CNTN5: variants seen among roughly 807,000 people sequenced by gnomAD.
CNTN5 encodes contactin 5, also known as contactin-5.
A neutral mutation model predicts 129.1 loss-of-function variants in CNTN5; 77 were observed. That is an observed-to-expected ratio of 0.60 (90% CI 0.50 to 0.72). The LOEUF (loss-of-function observed/expected upper bound fraction) is 0.72. Among genes scored for constraint, CNTN5 ranks in the 30% least tolerant of loss-of-function variants. The probability of loss-of-function intolerance (pLI) is 0.00; values close to 1 mark genes in which losing one functional copy is unlikely to be tolerated. For missense variants in CNTN5, 1,478 were observed against 1,328.8 expected (o/e 1.11, Z -1.75); for synonymous variants, 509 against 465.6 (o/e 1.09, Z -1.20).
chr11:99,503,159 C>A (rs1234903367), intron 2 of CNTN5, among the ~76,000 whole-genome samples: 2 of 152,218 alleles, frequency 1.3e-5, no homozygotes, highest in East Asian at 1.9e-4. Context: ...TCCTCTATAA[C>A]CTTTTCCCTA....
At chr11:99,281,034 G>C (rs1863672070) in intron 1 of CNTN5, among the ~76,000 whole-genome samples, 1 of 151,604 alleles carries the variant, frequency 6.6e-6, no homozygotes, top group Non-Finnish European at 1.5e-5. Flanking sequence ...TTGATCAATA[G>C]ATTAACAACC....
At chr11:99,487,724 C>A (rs534691004) in intron 2 of CNTN5, among the ~76,000 whole-genome samples, 2 of 152,288 alleles carry the variant, frequency 1.3e-5, no homozygotes, top group Non-Finnish European at 2.9e-5. Flanking sequence ...GTCTTAATTT[C>A]TTTTCAACCA....
chr11:99,204,685 AG>A (rs1234639997), intron 1 of CNTN5, among the ~76,000 whole-genome samples: 1 of 152,190 alleles, frequency 6.6e-6, no homozygotes, highest in Non-Finnish European at 1.5e-5. Context: ...ATAACTGAAA[AG>A]TTTCTATACA....
rs527313190 is a variant in CNTN5 at position 99,107,802 on chromosome 11, G to A, written c.-210+86532G>A. 9.9e-5 allele frequency among the ~76,000 whole-genome samples: 15 copies of A among 151,776 alleles called. No homozygotes were observed. The South Asian group carries it at 2.9e-3, about 30-fold the overall frequency. ...AAAAATTAGCCGGGCATGGTGGCAC[G>A]CACCTGTAGCTCCAGCTACTCGGGA... On this transcript the variant is annotated intron_variant, in intron 1 of 24. Coordinates refer to ENST00000524871, the MANE Select transcript of CNTN5 (RefSeq NM_014361.4).
intron 1 of CNTN5, among the ~76,000 whole-genome samples, chr11:99,210,840 T>C (rs1163118403): frequency 6.7e-6 from 1 of 148,498 alleles, no homozygotes; most frequent in East Asian, 1.9e-4. Flanking sequence ...GATCATATGC[T>C]CTAGAAGGGC....
At chr11:100,290,756 T>C (rs1265221536) in intron 18 of CNTN5, among the ~76,000 whole-genome samples, 4 of 149,776 alleles carry the variant, frequency 2.7e-5, no homozygotes, top group Non-Finnish European at 6.0e-5. Context: ...AATTGACAAA[T>C]GGGATCTAAT....
At chr11:99,808,700 A>G (rs1441764536) in intron 3 of CNTN5, among the ~76,000 whole-genome samples, 1 of 152,162 alleles carries the variant, frequency 6.6e-6, no homozygotes, top group Non-Finnish European at 1.5e-5. Flanking sequence ...CATATTTCCA[A>G]TATCCATATT....
At chr11:99,323,505 A>G (rs1466682514) in intron 1 of CNTN5, among the ~76,000 whole-genome samples, 3 of 152,100 alleles carry the variant, frequency 2.0e-5, no homozygotes, top group Non-Finnish European at 4.4e-5. Flanking sequence ...GATACTTCTT[A>G]TTTGCTCAAT....
At chr11:99,303,813 G>A (rs1864750567) in intron 1 of CNTN5, among the ~76,000 whole-genome samples, 4 of 152,100 alleles carry the variant, frequency 2.6e-5, no homozygotes, top group Admixed American at 2.6e-4. Flanking sequence ...AGGGCTGTCA[G>A]TACTTATGTT....
At position 99,318,024 on chromosome 11, in the gene CNTN5, C is replaced by G. The variant is rs1316551222; in HGVS notation, c.-209-7322C>G. ...TAGACTGAAAACTCTGTTTCAAAAT[C>G]CAAGTATAAAACTTTGTCTTTAATG... is the stretch of plus-strand genomic sequence containing the variant. On this transcript the variant is annotated intron_variant, in intron 1 of 24. Transcript: ENST00000524871. Among the ~76,000 whole-genome samples the G allele has an allele frequency of 5.3e-5, 8 of 152,128 alleles. No individual in the cohort carries two copies. The East Asian group carries it at 1.5e-3, about 29-fold the overall frequency.
chr11:99,147,328 T>C (rs149762108), intron 1 of CNTN5, among the ~76,000 whole-genome samples: 4 of 152,182 alleles, frequency 2.6e-5, no homozygotes, highest in Non-Finnish European at 5.9e-5. Context: ...TTTTCTGCTA[T>C]ATTTACAATT....
At chr11:99,608,213 T>C (rs1950487724) in intron 3 of CNTN5, among the ~76,000 whole-genome samples, 1 of 152,132 alleles carries the variant, frequency 6.6e-6, no homozygotes, top group South Asian at 2.1e-4. Flanking sequence ...AAATGTTTAA[T>C]AAATATGTGT....
chr11:99,427,476 A>G (rs1357477812), intron 2 of CNTN5, among the ~76,000 whole-genome samples: 1 of 152,038 alleles, frequency 6.6e-6, no homozygotes, highest in Non-Finnish European at 1.5e-5. Flanking sequence ...TAAAAGTGAA[A>G]ATTTCTTGGG....
intron 9 of CNTN5, among the ~76,000 whole-genome samples, chr11:100,037,292 C>G (rs1378438296): frequency 2.7e-5 from 4 of 150,630 alleles, no homozygotes; most frequent in Non-Finnish European, 4.4e-5. Context: ...GTATATTGAA[C>G]CAGCCTTGCA....
At chr11:99,235,344 T>A (rs1861211030) in intron 1 of CNTN5, among the ~76,000 whole-genome samples, 1 of 152,170 alleles carries the variant, frequency 6.6e-6, no homozygotes, top group Admixed American at 6.5e-5. Flanking sequence ...TTATACTTTA[T>A]CCTTACATGT....
At chr11:100,213,075 A>C (rs1217748159) in intron 15 of CNTN5, among the ~76,000 whole-genome samples, 1 of 152,004 alleles carries the variant, frequency 6.6e-6, no homozygotes, top group Non-Finnish European at 1.5e-5. Context: ...AAAGTTAAAG[A>C]TTTTCTCTAA....
At chr11:99,293,879 C>A (rs564809549) in intron 1 of CNTN5, among the ~76,000 whole-genome samples, 2 of 151,790 alleles carry the variant, frequency 1.3e-5, no homozygotes, top group Admixed American at 1.3e-4. Flanking sequence ...ATTCATTGAT[C>A]TTTTGTAATT....
At chr11:99,907,883 A>G (rs1949551121) in intron 6 of CNTN5, among the ~76,000 whole-genome samples, 2 of 152,078 alleles carry the variant, frequency 1.3e-5, no homozygotes, top group Admixed American at 1.3e-4. Context: ...AATATAACAT[A>G]TTTTACTTGC....
At chr11:99,623,741 C>A (rs376073594) in intron 3 of CNTN5, among the ~76,000 whole-genome samples, 93 of 130,232 alleles carry the variant, frequency 7.1e-4, no homozygotes, top group East Asian at 1.7e-3. Context: ...GAGAAAGATA[C>A]AAAAAATAAA....
Sources: gnomAD v4.1 joint callset for allele counts (sites outside exome capture counted in the v4.1 genomes callset) on GRCh38, gnomAD v4.1.1 for gene constraint, MANE v1.5 for transcripts, NCBI Gene and HGNC (gene_info 2026-07-23, HGNC 2026-07-21) for gene names.